The following CACNA2D3 variants were observed in gnomAD, a reference collection of about 807,000 sequenced individuals.
CACNA2D3 encodes voltage-dependent calcium channel subunit alpha-2/delta-3.
Under a neutral mutation model 160.6 loss-of-function variants are expected in CACNA2D3, and 60 were observed. The ratio of observed to expected loss-of-function variants is 0.37; its 90% CI spans 0.30 to 0.46. The LOEUF (loss-of-function observed/expected upper bound fraction) is 0.46, where lower values mean the gene tolerates loss of function less well. Ranked by LOEUF, CACNA2D3 falls within the 20% of genes least tolerant of loss-of-function variation. The pLI is 1.00. For synonymous variants in CACNA2D3, 558 were observed against 492.9 expected (o/e 1.13, Z -1.75); for missense variants, 1,205 against 1,365.0 (o/e 0.88, Z 1.85).
At chr3:54,337,254 T>C (rs1704405842) in intron 3 of CACNA2D3, among the ~76,000 whole-genome samples, 2 of 152,226 alleles carry the variant, frequency 1.3e-5, no homozygotes, top group Non-Finnish European at 2.9e-5. Context: ...TCCCACCTTG[T>C]GCCTAAGACA....
intron 27 of CACNA2D3, among the ~76,000 whole-genome samples, chr3:54,906,536 A>G (rs557876396): frequency 1.8e-3 from 268 of 152,350 alleles, no homozygotes; most frequent in African/African-American, 6.1e-3. Flanking sequence ...TAATGCCTCC[A>G]GTAACCTGCA....
At chr3:55,018,456 A>G (rs1559465022) in intron 35 of CACNA2D3, 139 bp downstream of exon 35, 55 of 613,656 alleles carry the variant, frequency 9.0e-5, no homozygotes, top group South Asian at 5.8e-4. Flanking sequence ...AAGTATTTCT[A>G]TCAGCTTGGA....
intron 2 of CACNA2D3, among the ~76,000 whole-genome samples, chr3:54,275,126 T>C (rs982346809): frequency 2.0e-5 from 3 of 152,352 alleles, no homozygotes; most frequent in African/African-American, 4.8e-5. Context: ...CTTATCTTTA[T>C]ATGTCTAATG....
chr3:54,414,801 C>CTT (rs34567327), intron 4 of CACNA2D3, among the ~76,000 whole-genome samples: 10 of 138,540 alleles, frequency 7.2e-5, no homozygotes, highest in African/African-American at 2.1e-4. Context: ...ATTCTTTTAA[C>CTT]TTTTTTTTTT....
In CACNA2D3 at chr3:54,987,724, C is replaced by G; in HGVS notation, c.2661C>G (p.Asn887Lys). ...GTGAGATCGAGGGAGCTGTGATGAA[C>G]AAATTGCTAACAATGGGCTCCTTTA... is the stretch of plus-strand genomic sequence containing the variant. The part of the protein sequence containing the change: ...FFGEIEGAVM[N>K]KLLTMGSFKR... The change falls in exon 31 of 38, where the codon AAC (asparagine) becomes AAG (lysine). Residue 887 changes from asparagine (N) to lysine (K), a missense_variant. By Grantham distance (94) the Asn-to-Lys change is moderately conservative (BLOSUM62 0). Around this residue, in one of 3 missense-constraint regions of CACNA2D3, gnomAD observed 911 missense variants for 1,002.2 expected, o/e 0.91. Transcript: ENST00000474759. 6.2e-7 allele frequency: 1 copy of G among 1,610,866 alleles called. No individual in the cohort carries two copies. Among genetic ancestry groups the G allele is most frequent in the Non-Finnish European group, 8.5e-7 (1 of 1,178,844 alleles).
chr3:54,841,617 T>G (rs548911408), intron 16 of CACNA2D3, among the ~76,000 whole-genome samples: 150 of 152,222 alleles, frequency 9.9e-4, no homozygotes, highest in African/African-American at 2.8e-3. Context: ...TAAAGATGAG[T>G]CAGCTCTTGG....
chr3:54,368,742 C>T (rs772163302), intron 3 of CACNA2D3, among the ~76,000 whole-genome samples: 18 of 123,104 alleles, frequency 1.5e-4, no homozygotes, highest in Non-Finnish European at 6.5e-5. Flanking sequence ...CACTCTGTCA[C>T]CCAGGCTGTA....
chr3:54,392,200 T>A (rs1299755189), intron 4 of CACNA2D3, among the ~76,000 whole-genome samples: 1 of 152,224 alleles, frequency 6.6e-6, no homozygotes, highest in Non-Finnish European at 1.5e-5. Context: ...TAGCCATTGA[T>A]GAATTTCCAG....
chr3:54,165,277 C>T (rs57380029), intron 2 of CACNA2D3, among the ~76,000 whole-genome samples: 9,827 of 152,040 alleles, frequency 0.065, 1,013 homozygotes, highest in African/African-American at 0.22. Context: ...TCACCCCCCA[C>T]CAAGTATTTC....
chr3:54,262,738 G>A (rs1349321584), intron 2 of CACNA2D3, among the ~76,000 whole-genome samples: 1 of 152,174 alleles, frequency 6.6e-6, no homozygotes, highest in African/African-American at 2.4e-5. Context: ...GGAACCTGTG[G>A]TCTAGCCAAG....
rs1483549504 is a variant in CACNA2D3 at position 54,461,172 on chromosome 3, G to T, written c.382-42320G>T. ...GCTTTTTGATGTGCTGCTGGATTTG[G>T]TTTGGCAGTATTTGATTGAGGATTT... On this transcript the variant is annotated intron_variant, in intron 4 of 37. Transcript: ENST00000474759. Among the ~76,000 whole-genome samples the T allele has an allele frequency of 3.9e-3, 594 of 151,100 alleles. 5 individuals are homozygous for T. Among genetic ancestry groups the T allele is most frequent in the African/African-American group, 0.013 (507 of 40,536 alleles).
chr3:54,328,789 G>T (rs925366009), intron 3 of CACNA2D3, among the ~76,000 whole-genome samples: 1 of 152,170 alleles, frequency 6.6e-6, no homozygotes, highest in Admixed American at 6.5e-5. Context: ...GCTTGGAGGG[G>T]CCCTCCCCTT....
intron 27 of CACNA2D3, chr3:54,928,123 A>C (rs373081298): frequency 1.8e-5 from 10 of 562,732 alleles, no homozygotes; most frequent in African/African-American, 1.7e-4. Context: ...TCTGGCTGGG[A>C]TCAGTTTCCA....
intron 5 of CACNA2D3, among the ~76,000 whole-genome samples, chr3:54,510,461 A>G (rs542546411): frequency 6.4e-4 from 97 of 152,318 alleles, no homozygotes; most frequent in Non-Finnish European, 1.1e-3. Flanking sequence ...GCAAAACTCA[A>G]AGGCATCACT....
chr3:54,138,892 T>C (rs1699868701), intron 2 of CACNA2D3, among the ~76,000 whole-genome samples: 1 of 152,252 alleles, frequency 6.6e-6, no homozygotes, highest in South Asian at 2.1e-4. Context: ...TTAGGATTTC[T>C]CCTCTTACCA....
At chr3:54,555,593 A>T (rs971414423) in intron 5 of CACNA2D3, among the ~76,000 whole-genome samples, 2 of 152,264 alleles carry the variant, frequency 1.3e-5, no homozygotes, top group African/African-American at 4.8e-5. Context: ...TTGTAAATTT[A>T]TCACAAAGGT....
At chr3:54,319,626 G>A (rs1291226450) in intron 2 of CACNA2D3, among the ~76,000 whole-genome samples, 6 of 152,196 alleles carry the variant, frequency 3.9e-5, no homozygotes, top group East Asian at 1.9e-4. Context: ...TAGTTAAACC[G>A]TGTTTTGGGT....
chr3:54,753,491 C>T (rs1451734924), intron 12 of CACNA2D3, among the ~76,000 whole-genome samples: 3 of 152,212 alleles, frequency 2.0e-5, no homozygotes, highest in African/African-American at 7.2e-5. Flanking sequence ...CAGCCTTCAT[C>T]AGCCTGGGTC....
At chr3:54,231,409 G>A (rs1701768220) in intron 2 of CACNA2D3, among the ~76,000 whole-genome samples, 2 of 152,172 alleles carry the variant, frequency 1.3e-5, no homozygotes, top group Non-Finnish European at 2.9e-5. Flanking sequence ...AGTGTGAGGC[G>A]CTCTTTGAAG....
Sources: allele counts gnomAD v4.1 joint callset (sites outside exome capture counted in the v4.1 genomes callset), GRCh38; gene constraint gnomAD v4.1.1; regional missense constraint gnomAD v4.1.1; transcripts MANE v1.5; gene names NCBI Gene and HGNC (gene_info 2026-07-23, HGNC 2026-07-21).